Variants in DRC8 observed in about 807,000 individuals in gnomAD.
The protein encoded by DRC8 is dynein regulatory complex subunit 8, also known as dynein regulatory complex protein 8.
the DRC8 span, chr1:244,969,848 G>A: frequency 2.4e-6 from 1 of 412,820 alleles, no homozygotes; most frequent in Non-Finnish European, 4.3e-6. Context: ...CCGTTCTGCA[G>A]CAGCCGGGCC....
the DRC8 span, chr1:245,107,093 G>A: frequency 6.6e-6 from 1 of 152,168 alleles, no homozygotes; most frequent in East Asian, 1.9e-4. Context: ...TATGACATGG[G>A]AACTAGAACT....
At chr1:245,002,160 T>G in the DRC8 span, 2 of 1,609,752 alleles carry the variant, frequency 1.2e-6, no homozygotes, top group East Asian at 4.5e-5. Context: ...GCCTCGGACT[T>G]TACTGATCGA....
the DRC8 span, among the ~76,000 whole-genome samples, chr1:245,053,360 C>T: frequency 1.3e-5 from 2 of 152,170 alleles, no homozygotes; most frequent in African/African-American, 4.8e-5. Context: ...AAGCATTGTG[C>T]TCATGAGCTG....
the DRC8 span, chr1:244,970,188 G>A: frequency 1.6e-3 from 1,132 of 715,376 alleles, 10 homozygotes; most frequent in South Asian, 0.01. Flanking sequence ...GGGGCCGGGT[G>A]GCAGACGGGG....
chr1:245,029,751 A>G, the DRC8 span, among the ~76,000 whole-genome samples: 3 of 151,468 alleles, frequency 2.0e-5, no homozygotes, highest in Non-Finnish European at 4.4e-5. Flanking sequence ...AGGAGCCACC[A>G]CGCCTGGCCA....
the DRC8 span, among the ~76,000 whole-genome samples, chr1:245,027,543 A>G: frequency 1.3e-5 from 2 of 152,214 alleles, no homozygotes; most frequent in Non-Finnish European, 2.9e-5. Context: ...AGATTTTGAG[A>G]AAAACATTAA....
chr1:245,042,947 C>T, the DRC8 span, among the ~76,000 whole-genome samples: 45 of 152,140 alleles, frequency 3.0e-4, 1 homozygote, highest in African/African-American at 1.0e-3. Context: ...AAATGCTATA[C>T]ATAATTAAAT....
the DRC8 span, among the ~76,000 whole-genome samples, chr1:244,998,271 C>T: frequency 0.091 from 13,861 of 152,080 alleles, 822 homozygotes; most frequent in African/African-American, 0.16. Context: ...TACAGTGATG[C>T]GATCACAGCT....
chr1:244,974,479 C>G, the DRC8 span, among the ~76,000 whole-genome samples: 2 of 152,166 alleles, frequency 1.3e-5, no homozygotes. Context: ...TAAAGTGCCT[C>G]TAATTCAATT....
chr1:245,082,960 C>G, the DRC8 span, among the ~76,000 whole-genome samples: 1 of 152,118 alleles, frequency 6.6e-6, no homozygotes, highest in Non-Finnish European at 1.5e-5. Context: ...CTGCCCACCT[C>G]AGCCTCCCAA....
At chr1:245,079,215 G>T in the DRC8 span, among the ~76,000 whole-genome samples, 3 of 152,160 alleles carry the variant, frequency 2.0e-5, no homozygotes, top group East Asian at 3.9e-4. Flanking sequence ...ATTGGATACG[G>T]CCTCTAGAGG....
the DRC8 span, among the ~76,000 whole-genome samples, chr1:244,976,034 C>T: frequency 6.6e-6 from 1 of 151,538 alleles, no homozygotes; most frequent in African/African-American, 2.4e-5. Context: ...TTTGGGAGGC[C>T]GAGGTGGGGA....
chr1:245,074,394 C>T, the DRC8 span, among the ~76,000 whole-genome samples: 2 of 152,286 alleles, frequency 1.3e-5, no homozygotes, highest in Admixed American at 1.3e-4. Context: ...GGCACTCACC[C>T]TTAAGTAGAG....
chr1:244,980,021 G>A, the DRC8 span, among the ~76,000 whole-genome samples: 273 of 117,450 alleles, frequency 2.3e-3, 1 homozygote, highest in African/African-American at 7.9e-3. Flanking sequence ...TGGCTAACAC[G>A]GTGAAACCCC....
At chr1:245,105,633 A>C in the DRC8 span, among the ~76,000 whole-genome samples, 19 of 144,062 alleles carry the variant, frequency 1.3e-4, no homozygotes, top group African/African-American at 4.5e-4. Flanking sequence ...AAAAAAAAAA[A>C]AAAAACAAAA....
At chr1:244,977,401 A>G in the DRC8 span, among the ~76,000 whole-genome samples, 4 of 152,316 alleles carry the variant, frequency 2.6e-5, no homozygotes, top group Admixed American at 1.3e-4. Flanking sequence ...ATAAATGATG[A>G]TGGCTAGGCA....
chr1:245,015,439 G>A, the DRC8 span, among the ~76,000 whole-genome samples: 8 of 152,234 alleles, frequency 5.3e-5, no homozygotes, highest in African/African-American at 1.4e-4. Context: ...TGCCGGGCGC[G>A]GTGGCTCACG....
chr1:245,089,511 G>C, the DRC8 span, among the ~76,000 whole-genome samples: 1 of 152,058 alleles, frequency 6.6e-6, no homozygotes, highest in African/African-American at 2.4e-5. This position sits in a 1 kb window ranked among gnomAD's most constrained non-coding sequence, Gnocchi z 4.8. Context: ...AGATCGGAGA[G>C]AATTGCAAGG....
the DRC8 span, among the ~76,000 whole-genome samples, chr1:245,063,323 C>T: frequency 3.9e-5 from 6 of 152,244 alleles, no homozygotes; most frequent in Admixed American, 2.0e-4. Flanking sequence ...TGCCTGAAGT[C>T]GATGAATTCT....
Sources: gnomAD v4.1 joint callset for allele counts (sites outside exome capture counted in the v4.1 genomes callset) on GRCh38, gnomAD v4.1.1 for gene constraint, Gnocchi (gnomAD v3.1) non-coding constraint, MANE v1.5 for transcripts, NCBI Gene and HGNC (gene_info 2026-07-23, HGNC 2026-07-21) for gene names.